KCNQ1: variants seen among roughly 807,000 people sequenced by gnomAD.
KCNQ1 encodes the protein potassium voltage-gated channel subfamily Q member 1.
A neutral mutation model predicts 72.4 loss-of-function variants in KCNQ1; 49 were observed. That is an observed-to-expected ratio of 0.68 (90% CI 0.54 to 0.86). KCNQ1 has a LOEUF of 0.86. Among genes scored for constraint, KCNQ1 ranks in the 40% least tolerant of loss-of-function variants. The pLI is 0.00. For synonymous variants in KCNQ1, 450 were observed against 412.6 expected (o/e 1.09, Z -1.10); for missense variants, 790 against 945.1 (o/e 0.84, Z 2.15).
chr11:2,797,516 A>C (rs939023887), intron 15 of KCNQ1, among the ~76,000 whole-genome samples: 4 of 152,132 alleles, frequency 2.6e-5, no homozygotes, highest in Admixed American at 6.5e-5. Context: ...TGGCTGTACC[A>C]GCCCTGCACC....
rs1389179622 is a variant in KCNQ1 at position 2,827,480 on chromosome 11, T to G, written c.1795-20287T>G. ...GACAGGCCCCACTCCTGTAAAACCC[T>G]ACACAGAAGCGGCCCACGTCATCCC... is the stretch of plus-strand genomic sequence containing the variant. On this transcript the variant is annotated intron_variant, in intron 15 of 15. Transcript: ENST00000155840. This position sits in a 1 kb window ranked among gnomAD's most constrained non-coding sequence, Gnocchi z 6.7. Among the ~76,000 whole-genome samples, 1 of 151,936 alleles carries G rather than the reference T, an allele frequency of 6.6e-6. No homozygotes were observed. The highest frequency in any genetic ancestry group is 1.5e-5 in the Non-Finnish European group (1 of 67,978).
rs890300100 is a variant in KCNQ1 at position 2,674,368 on chromosome 11, C to G, written c.1514+12287C>G. 2.6e-6 allele frequency: 1 copy of G among 378,394 alleles called. No homozygotes were observed. Among genetic ancestry groups the G allele is most frequent in the Non-Finnish European group, 4.7e-6 (1 of 214,288 alleles). 23.4% of individuals were successfully genotyped at this position (378,394 alleles called of 1,614,324 possible). A position where few individuals can be genotyped will look rare whatever the true frequency, so the allele number is the denominator to read the frequency against. On this transcript the variant is annotated intron_variant, in intron 11 of 15. Transcript: ENST00000155840. This position sits in a 1 kb window ranked among gnomAD's most constrained non-coding sequence, Gnocchi z 5.9. ...TCCATTCGCTCTTGGCAAAGAGCAG[C>G]TTCCTGCTTAGGGAAGGTGCATGCG...
At chr11:2,535,012 G>T (rs1847705795) in intron 2 of KCNQ1, among the ~76,000 whole-genome samples, 1 of 152,194 alleles carries the variant, frequency 6.6e-6, no homozygotes, top group Non-Finnish European at 1.5e-5. Context: ...GGACTTGACA[G>T]ATGTGGGCCC....
In KCNQ1 at chr11:2,653,749, T is replaced by C. The variant is rs1849793580; in HGVS notation, c.1394-8212T>C. The C allele has an allele frequency of 5.0e-6, 2 of 398,532 alleles. No homozygotes were observed. Among genetic ancestry groups the C allele is most frequent in the Admixed American group, 4.4e-5 (1 of 22,718 alleles). 24.7% of individuals were successfully genotyped at this position (398,532 alleles called of 1,614,324 possible). ...GCCAGAATCTAAGGCCAGGTTCTTA[T>C]TGGCCTCAGCTGGGGTACAAGCCAT... On this transcript the variant is annotated intron_variant, in intron 10 of 15. Coordinates refer to ENST00000155840, the MANE Select transcript of KCNQ1 (RefSeq NM_000218.3). The surrounding 1 kb of genome is among the most constrained non-coding windows in gnomAD (Gnocchi z 5.3).
In KCNQ1 at chr11:2,713,282, A is replaced by C. The variant is rs538543978; in HGVS notation, c.1514+51201A>C. ...GCTCCCTGGAAACGTTCCCTGAATC[A>C]CATTGTTCACTGCGCTTCTCAGGCC... On this transcript the variant is annotated intron_variant, in intron 11 of 15. Transcript: ENST00000155840. The surrounding 1 kb of genome is among the most constrained non-coding windows in gnomAD (Gnocchi z 5.6). Among the ~76,000 whole-genome samples, 13 of 152,252 alleles carry C rather than the reference A, an allele frequency of 8.5e-5. No individual in the cohort carries two copies. Among genetic ancestry groups the C allele is most frequent in the African/African-American group, 3.1e-4 (13 of 41,546 alleles).
chr11:2,585,399 GC>G (rs1848579379), intron 8 of KCNQ1, 92 bp downstream of exon 8: 1 of 1,159,712 alleles, frequency 8.6e-7, no homozygotes, highest in African/African-American at 1.5e-5. Context: ...ACCATCATTG[GC>G]CCCTGCATCA....
intron 10 of KCNQ1, among the ~76,000 whole-genome samples, chr11:2,591,189 C>T (rs1848666054): frequency 6.6e-6 from 1 of 152,266 alleles, no homozygotes; most frequent in African/African-American, 2.4e-5. Context: ...GGCACCAGCC[C>T]AGCCCGCCAA....
chr11:2,474,228 T>TG (rs1357054477), intron 1 of KCNQ1, among the ~76,000 whole-genome samples: 1 of 152,158 alleles, frequency 6.6e-6, no homozygotes, highest in East Asian at 1.9e-4. Flanking sequence ...CACTCTGCTG[T>TG]CCTCGAGTCT....
At chr11:2,722,913 G>C (rs1383446366) in intron 11 of KCNQ1, among the ~76,000 whole-genome samples, 2 of 152,132 alleles carry the variant, frequency 1.3e-5, no homozygotes, top group Non-Finnish European at 2.9e-5. Flanking sequence ...AGTGGGGGTG[G>C]GGGCATGTGT....
Position 2,698,037 on chromosome 11 carries a change from A to C in KCNQ1, c.1514+35956A>C, listed in dbSNP as rs962873148. The C allele has an allele frequency of 7.5e-6, 3 of 398,512 alleles. No homozygotes were observed. The highest frequency in any genetic ancestry group is 6.2e-5 in the African/African-American group (3 of 48,620). The allele number at this position is 398,512 out of a possible 1,614,324, so 24.7% of individuals were successfully genotyped here. On this transcript the variant is annotated intron_variant, in intron 11 of 15. Coordinates refer to ENST00000155840, the MANE Select transcript of KCNQ1 (RefSeq NM_000218.3). The surrounding 1 kb of genome is among the most constrained non-coding windows in gnomAD (Gnocchi z 5.1). The stretch of plus-strand genomic sequence containing the variant: ...GGTGCAGAAATGGATCATTTGAGAC[A>C]CCATAGAAATCTGGTTAATCCTGCC...
rs890505822 is a variant in KCNQ1, at chr11:2,642,098, A to T, written c.1394-19863A>T. On this transcript the variant is annotated intron_variant, in intron 10 of 15. Transcript: ENST00000155840. The surrounding 1 kb of genome is among the most constrained non-coding windows in gnomAD (Gnocchi z 4.3). ...ATTTTTGCTCAGAATTGCTGTGGCT[A>T]TTCCAGCTCTTTTTTGGTTCCATCT... 1 of 398,466 alleles carries T rather than the reference A, an allele frequency of 2.5e-6. No homozygotes were observed. The highest frequency in any genetic ancestry group is 2.1e-5 in the African/African-American group (1 of 48,750). The allele number at this position is 398,466 out of a possible 1,614,324, so 24.7% of individuals were successfully genotyped here.
intron 1 of KCNQ1, among the ~76,000 whole-genome samples, chr11:2,490,624 GTC>G (rs1846821395): frequency 1.3e-5 from 2 of 152,332 alleles, no homozygotes; most frequent in African/African-American, 4.8e-5. Flanking sequence ...GAAAACAAGA[GTC>G]TCTGCCTCGT....
chr11:2,701,178 G>T (rs1426878806), intron 11 of KCNQ1, among the ~76,000 whole-genome samples: 1 of 152,186 alleles, frequency 6.6e-6, no homozygotes, highest in African/African-American at 2.4e-5. Context: ...ATACGTCTAC[G>T]GGAGAGCCAG....
Position 2,642,513 on chromosome 11 carries a change from G to A in KCNQ1, c.1394-19448G>A, listed in dbSNP as rs1849595258. ...ATTTTTGTATTTCATGGTATGAGTT[G>A]TAATATCCCCTTTTTCATTTTTGAT... On this transcript the variant is annotated intron_variant, in intron 10 of 15. Transcript: ENST00000155840. The surrounding 1 kb of genome is among the most constrained non-coding windows in gnomAD (Gnocchi z 4.3). The A allele has an allele frequency of 2.5e-6, 1 of 397,810 alleles. No homozygotes were observed. Among genetic ancestry groups the A allele is most frequent in the South Asian group, 1.3e-4 (1 of 7,856 alleles). The allele number at this position is 397,810 out of a possible 1,614,324, so 24.6% of individuals were successfully genotyped here.
intron 1 of KCNQ1, among the ~76,000 whole-genome samples, chr11:2,496,319 C>T (rs1846915047): frequency 6.6e-6 from 1 of 151,900 alleles, no homozygotes; most frequent in Non-Finnish European, 1.5e-5. Context: ...CACCTGTAGT[C>T]CCAGCTACTC....
intron 11 of KCNQ1, chr11:2,686,358 C>A: frequency 2.5e-6 from 1 of 398,712 alleles, no homozygotes; most frequent in South Asian, 1.3e-4. Flanking sequence ...GGAGTATGCT[C>A]ACTTGGGCTT....
At chr11:2,628,057 A>G (rs1167914291) in intron 10 of KCNQ1, 1 of 398,584 alleles carries the variant, frequency 2.5e-6, no homozygotes, top group African/African-American at 2.1e-5. Flanking sequence ...TATGAATACT[A>G]TGTTGCTCAT....
intron 15 of KCNQ1, among the ~76,000 whole-genome samples, chr11:2,788,552 C>T (rs1393556825): frequency 6.6e-6 from 1 of 151,594 alleles, no homozygotes; most frequent in Non-Finnish European, 1.5e-5. Flanking sequence ...TGCACCACCC[C>T]CCGCCCCCCA....
chr11:2,846,816 C>T (rs969718604), intron 15 of KCNQ1, among the ~76,000 whole-genome samples: 5 of 152,262 alleles, frequency 3.3e-5, no homozygotes, highest in African/African-American at 1.2e-4. Context: ...CTGCTGCCTC[C>T]GCAGCACTGC....
Sources: allele counts gnomAD v4.1 joint callset (sites outside exome capture counted in the v4.1 genomes callset), GRCh38; gene constraint gnomAD v4.1.1; non-coding constraint Gnocchi (gnomAD v3.1); transcripts MANE v1.5; gene names NCBI Gene and HGNC (gene_info 2026-07-23, HGNC 2026-07-21).